Variants in CDC37L1 observed in about 807,000 individuals in gnomAD.
CDC37L1 encodes cell division cycle 37 like 1, HSP90 cochaperone, also known as hsp90 co-chaperone Cdc37-like 1.
CDC37L1 carries 32 observed loss-of-function variants against 45.9 expected under a neutral mutation model. That is an observed-to-expected ratio of 0.70 (90% CI 0.53 to 0.94). The LOEUF is 0.94. Ranked by LOEUF, CDC37L1 falls within the 40% of genes least tolerant of loss-of-function variation. The probability of loss-of-function intolerance (pLI) is 0.00; values close to 1 mark genes in which losing one functional copy is unlikely to be tolerated. For missense variants in CDC37L1, 434 were observed against 405.7 expected, an observed-to-expected ratio of 1.07 and a Z score of -0.60; for synonymous variants, 150 against 133.0, an observed-to-expected ratio of 1.13 and a Z score of -0.88.
At chr9:4,694,324 C>A (rs1018978976) in intron 3 of CDC37L1, among the ~76,000 whole-genome samples, 3 of 152,136 alleles carry the variant, frequency 2.0e-5, no homozygotes, top group Non-Finnish European at 4.4e-5. Flanking sequence ...AGGTGATTCT[C>A]CTGCCTTGGC....
chr9:4,694,326 T>G (rs1293881178), intron 3 of CDC37L1, among the ~76,000 whole-genome samples: 1 of 152,152 alleles, frequency 6.6e-6, no homozygotes, highest in Non-Finnish European at 1.5e-5. Flanking sequence ...GTGATTCTCC[T>G]GCCTTGGCCT....
chr9:4,688,449 A>G, intron 2 of CDC37L1, 64 bp from the exon 3 acceptor site: 2 of 883,060 alleles, frequency 2.3e-6, no homozygotes, highest in Non-Finnish European at 3.4e-6. Context: ...GATATTCAGT[A>G]TCTGAGAAAG....
intron 3 of CDC37L1, among the ~76,000 whole-genome samples, chr9:4,689,997 C>CT (rs1401058371): frequency 1.3e-5 from 2 of 152,214 alleles, no homozygotes; most frequent in Non-Finnish European, 2.9e-5. Flanking sequence ...AGTTCTTTCA[C>CT]TTTTGCTGTA....
intron 3 of CDC37L1, 26 bp from the exon 4 acceptor site, chr9:4,697,070 T>A (rs1427364372): frequency 1.0e-6 from 1 of 970,478 alleles, no homozygotes; most frequent in African/African-American, 1.6e-5. Context: ...TATTTGACAC[T>A]TATGGTTCAA....
At chr9:4,683,532 A>G (rs1841217668) in intron 1 of CDC37L1, among the ~76,000 whole-genome samples, 1 of 152,168 alleles carries the variant, frequency 6.6e-6, no homozygotes, top group East Asian at 1.9e-4. Flanking sequence ...AAAGGGAAGA[A>G]TAAGCAAACA....
intron 1 of CDC37L1, among the ~76,000 whole-genome samples, chr9:4,682,209 C>T (rs1215376430): frequency 1.4e-5 from 2 of 140,356 alleles, no homozygotes; most frequent in African/African-American, 5.4e-5. Flanking sequence ...GTTGCCCAGG[C>T]TGGAGTGCAA....
rs752358070 is a variant in CDC37L1 at position 4,685,197 on chromosome 9, C to T, written c.414+39C>T. The T allele has an allele frequency of 2.6e-6, 4 of 1,518,878 alleles. No individual in the cohort carries two copies. In the African/African-American group the frequency reaches 4.1e-5, roughly 16 times the overall value. 94.1% of individuals were successfully genotyped at this position (1,518,878 alleles called of 1,614,324 possible). On this transcript the variant is annotated intron_variant, in intron 2 of 6. Coordinates refer to ENST00000381854, the MANE Select transcript of CDC37L1 (RefSeq NM_017913.4). ...CTGGGCCATAATGAAAGAAGAAAAACTGAAGTGTTTGTACAAACCAGTTGT... is the reference window on the plus strand; with the variant it reads ...CTGGGCCATAATGAAAGAAGAAAAATTGAAGTGTTTGTACAAACCAGTTGT...
rs1190275383 is a variant in CDC37L1 at position 4,706,263 on chromosome 9, T to A, written c.*151T>A. On this transcript the variant is annotated 3_prime_UTR_variant, in exon 7 of 7. Coordinates refer to ENST00000381854, the MANE Select transcript of CDC37L1 (RefSeq NM_017913.4). ...TACTGAAATGTTTTGTAAATTTTTT[T>A]TAATGTGCTGCTAGGTTTTTTGTTT... 2.2e-6 allele frequency: 1 copy of A among 463,286 alleles called. No homozygotes were observed. The highest frequency in any genetic ancestry group is 4.0e-6 in the Non-Finnish European group (1 of 251,564). The allele number at this position is 463,286 out of a possible 1,614,324, so 28.7% of individuals were successfully genotyped here.
chr9:4,706,288 T>C lies in CDC37L1; in HGVS notation c.*176T>C, dbSNP rs114979068. 7.1e-3 allele frequency: 3,103 copies of C among 434,758 alleles called. 84 individuals are homozygous for C. Among genetic ancestry groups the C allele is most frequent in the African/African-American group, 0.055 (2,825 of 51,064 alleles). 26.9% of individuals were successfully genotyped at this position (434,758 alleles called of 1,614,324 possible). ...TTAATGTGCTGCTAGGTTTTTTGTT[T>C]TGTTTTGTTCTGAAGAGAAGAGTGG... On this transcript the variant is annotated 3_prime_UTR_variant, in exon 7 of 7. Transcript: ENST00000381854.
chr9:4,703,354 C>CT, intron 6 of CDC37L1: 127 of 266,818 alleles, frequency 4.8e-4, no homozygotes, highest in East Asian at 1.1e-3. Flanking sequence ...CCTACTCTGG[C>CT]TGAAAAAAAA....
intron 3 of CDC37L1, among the ~76,000 whole-genome samples, chr9:4,692,721 A>G (rs1841313439): frequency 6.6e-6 from 1 of 152,226 alleles, no homozygotes; most frequent in African/African-American, 2.4e-5. Flanking sequence ...TATTTTTATA[A>G]TCTGAAAAAA....
chr9:4,682,028 A>C (rs954617921), intron 1 of CDC37L1, among the ~76,000 whole-genome samples: 1 of 152,214 alleles, frequency 6.6e-6, no homozygotes, highest in African/African-American at 2.4e-5. Flanking sequence ...TTTGTGGAGA[A>C]ATAAGACATA....
intron 5 of CDC37L1, 122 bp from the exon 6 acceptor site, chr9:4,701,742 A>T: frequency 3.2e-6 from 2 of 617,034 alleles, no homozygotes; most frequent in Non-Finnish European, 5.4e-6. Flanking sequence ...TGGTTTCTAT[A>T]TTTAGACTAT....
At chr9:4,695,571 C>T (rs1219205343) in intron 3 of CDC37L1, among the ~76,000 whole-genome samples, 1 of 152,134 alleles carries the variant, frequency 6.6e-6, no homozygotes, top group Non-Finnish European at 1.5e-5. Flanking sequence ...ATACCTTCTG[C>T]AGCCTCTAGC....
chr9:4,682,573 C>A lies in CDC37L1; in HGVS notation c.133-2304C>A, dbSNP rs577265265. Among the ~76,000 whole-genome samples the A allele has an allele frequency of 1.1e-3, 172 of 152,172 alleles. 1 individual carries two copies. Among genetic ancestry groups the A allele is most frequent in the Admixed American group, 2.0e-3 (30 of 15,286 alleles). On this transcript the variant is annotated intron_variant, in intron 1 of 6. Transcript: ENST00000381854. ...CGAGCTCCTCCTCGTGATCCGCCCG[C>A]CTCGGCCTCCTGAAGTGCTGGGATT...
In CDC37L1 at chr9:4,688,664, C is replaced by CA. The variant is rs568268595; in HGVS notation, c.508+64dup. 225 of 1,084,552 alleles carry CA rather than the reference C, an allele frequency of 2.1e-4. 1 individual carries two copies. In the East Asian group the frequency reaches 6.3e-3, roughly 30 times the overall value. 67.2% of individuals were successfully genotyped at this position (1,084,552 alleles called of 1,614,324 possible). On this transcript the variant is annotated intron_variant, in intron 3 of 6. Transcript: ENST00000381854. ...ATGTTTGGTATCATATGTACATGTG[C>CA]AAAAAATGGATTTATAAAAAGAGAG... is the stretch of plus-strand genomic sequence containing the variant.
rs1313029477 is a variant in CDC37L1 at position 4,682,329 on chromosome 9, A to ATTTTTTTTTTTTTTTTT, written c.132+2445_132+2446insTTTTTTTTTTTTTTTTT. 3.2e-4 allele frequency among the ~76,000 whole-genome samples: 30 copies of ATTTTTTTTTTTTTTTTT among 92,840 alleles called. 2 individuals are homozygous for ATTTTTTTTTTTTTTTTT. The highest frequency in any genetic ancestry group is 1.4e-3 in the African/African-American group (23 of 16,554). 60.9% of individuals were successfully genotyped at this position (92,840 alleles called of 152,430 possible). ...AGGTGCCCACCACTGTGCCCAGCTA[A>ATTTTTTTTTTTTTTTTT]TTTTTTTTTTTTTTTGAGATGGAGT... On this transcript the variant is annotated intron_variant, in intron 1 of 6. Coordinates refer to ENST00000381854, the MANE Select transcript of CDC37L1 (RefSeq NM_017913.4).
chr9:4,685,799 A>C (rs1310160744), intron 2 of CDC37L1, among the ~76,000 whole-genome samples: 2 of 152,226 alleles, frequency 1.3e-5, no homozygotes, highest in African/African-American at 2.4e-5. Context: ...TTGATTTTCA[A>C]ATGCATGAAA....
chr9:4,681,664 G>C (rs1841195365), intron 1 of CDC37L1, among the ~76,000 whole-genome samples: 1 of 151,988 alleles, frequency 6.6e-6, no homozygotes, highest in South Asian at 2.1e-4. Flanking sequence ...TTTGCAAACT[G>C]ATTATTAATT....
Sources: allele counts gnomAD v4.1 joint callset (sites outside exome capture counted in the v4.1 genomes callset), GRCh38; gene constraint gnomAD v4.1.1; transcripts MANE v1.5; gene names NCBI Gene and HGNC (gene_info 2026-07-23, HGNC 2026-07-21).